HELZ: variants seen among roughly 807,000 people sequenced by gnomAD.
HELZ encodes helicase with zinc finger.
Under a neutral mutation model 218.2 loss-of-function variants are expected in HELZ, and 23 were observed. The observed-to-expected ratio is 0.11, with a 90% CI of 0.08 to 0.15. The LOEUF (loss-of-function observed/expected upper bound fraction) is 0.15. Among genes scored for constraint, HELZ ranks in the 10% least tolerant of loss-of-function variants. HELZ has a pLI of 1.00. For synonymous variants in HELZ, 814 were observed against 829.4 expected (o/e 0.98, Z 0.32); for missense variants, 1,813 against 2,353.7 (o/e 0.77, Z 4.75).
At chr17:67,184,748 C>A (rs1177621751) in intron 12 of HELZ, among the ~76,000 whole-genome samples, 1 of 151,904 alleles carries the variant, frequency 6.6e-6, no homozygotes, top group Non-Finnish European at 1.5e-5. Flanking sequence ...CCTAGGAGTT[C>A]AAGGCTGCAG....
At chr17:67,187,613 T>C (rs1344670922) in intron 12 of HELZ, among the ~76,000 whole-genome samples, 1 of 152,212 alleles carries the variant, frequency 6.6e-6, no homozygotes, top group Non-Finnish European at 1.5e-5. Context: ...ATAAAAAGTT[T>C]TTGTTAAATA....
intron 21 of HELZ, among the ~76,000 whole-genome samples, chr17:67,145,010 C>T (rs1285755508): frequency 6.6e-6 from 1 of 152,004 alleles, no homozygotes; most frequent in Non-Finnish European, 1.5e-5. Flanking sequence ...TGAATTCCTA[C>T]TACATAATAA....
intron 5 of HELZ, among the ~76,000 whole-genome samples, chr17:67,208,423 T>TA (rs941012073): frequency 3.3e-4 from 51 of 152,266 alleles, no homozygotes; most frequent in African/African-American, 1.1e-3. Flanking sequence ...CTTGTTTTGA[T>TA]ATGGTGCCAG....
intron 6 of HELZ, among the ~76,000 whole-genome samples, chr17:67,201,870 G>T (rs948433221): frequency 6.6e-6 from 1 of 151,990 alleles, no homozygotes; most frequent in Admixed American, 6.6e-5. Flanking sequence ...TAGCTTTTAA[G>T]TTCATTTATG....
Position 67,188,668 on chromosome 17 carries a change from T to G in HELZ, c.865-52A>C, listed in dbSNP as rs768807516. ...GAGTACAAGGGGGTGAAAAATCCAA[T>G]TGTAATTGGGCTCTTCAATGAAAAT... On this transcript the variant is annotated intron_variant, in intron 11 of 32. Transcript: ENST00000358691. This position sits in a 1 kb window ranked among gnomAD's most constrained non-coding sequence, Gnocchi z 4.1. 4.6e-5 allele frequency: 65 copies of G among 1,426,350 alleles called. No individual in the cohort carries two copies. Among genetic ancestry groups the G allele is most frequent in the Non-Finnish European group, 6.1e-5 (63 of 1,033,018 alleles). 88.4% of individuals were successfully genotyped at this position (1,426,350 alleles called of 1,614,324 possible).
Position 67,166,495 on chromosome 17 carries a change from T to C in HELZ, c.1878A>G (p.Ile626Met). The change falls in exon 15 of 33, where the codon ATA becomes ATG. Residue 626 changes from isoleucine to methionine, a missense_variant. Ile to Met is a conservative substitution (Grantham distance 10). Transcript: ENST00000358691. ...LFPDISMTPT[I>M]PWSPNRQWDE... The stretch of plus-strand genomic sequence containing the variant: ...TTTTGTACCTGTTAGGACTCCATGG[T>C]ATGGTGGGAGTCATACTGATGTCTG... 1 of 1,612,574 alleles carries C rather than the reference T, an allele frequency of 6.2e-7. No homozygotes were observed. Among genetic ancestry groups the C allele is most frequent in the Non-Finnish European group, 8.5e-7 (1 of 1,178,760 alleles).
chr17:67,123,046 T>C lies in HELZ; in HGVS notation c.3554A>G (p.Asp1185Gly). Residue 1185 changes from aspartate to glycine, a missense_variant, in exon 26 of 33, where the codon GAT (aspartate) becomes GGT (glycine). Asp to Gly is a moderately conservative substitution (Grantham distance 94, BLOSUM62 -1). Coordinates refer to ENST00000358691, the MANE Select transcript of HELZ (RefSeq NM_014877.4). The part of the protein sequence containing the change: ...GKSPSPVQRI[D>G]PHTGTSILYV... ...AAGAATACTTGTCCCAGTGTGAGGA[T>C]CTATTCTTTGAACAGGGCTTGGAGA... 6.2e-7 allele frequency: 1 copy of C among 1,613,572 alleles called. No homozygotes were observed. Among genetic ancestry groups the C allele is most frequent in the South Asian group, 1.1e-5 (1 of 91,060 alleles).
chr17:67,136,755 G>C (rs1390477422), intron 22 of HELZ, among the ~76,000 whole-genome samples: 1 of 152,166 alleles, frequency 6.6e-6, no homozygotes, highest in Non-Finnish European at 1.5e-5. Flanking sequence ...CAAATTCATA[G>C]AGAAAGAATG....
In HELZ at chr17:67,072,920, T is replaced by C. The variant is rs1385214495; in HGVS notation, c.*5332A>G. 1.3e-5 allele frequency: 2 copies of C among 152,222 alleles called. No homozygotes were observed. The highest frequency in any genetic ancestry group is 2.9e-5 in the Non-Finnish European group (2 of 68,042). The allele number at this position is 152,222 out of a possible 1,614,324, so 9.4% of individuals were successfully genotyped here. ...AGCATCAGCATCGCCTGGAAACTTG[T>C]TGGAAATGCAAATCATCAGGCTCCA... On this transcript the variant is annotated 3_prime_UTR_variant, in exon 33 of 33. Coordinates refer to ENST00000358691, the MANE Select transcript of HELZ (RefSeq NM_014877.4).
chr17:67,108,990 T>C lies in HELZ; in HGVS notation c.4489+126A>G, dbSNP rs1275823314. The C allele has an allele frequency of 5.0e-6, 4 of 797,564 alleles. No individual in the cohort carries two copies. The South Asian group carries it at 5.6e-5, about 11-fold the overall frequency. The allele number at this position is 797,564 out of a possible 1,614,324, so 49.4% of individuals were successfully genotyped here. ...TAGAACTAGTTTCTGATTATCACAC[T>C]AAATGGGGGGGTTTTGCTAGCATTA... is the stretch of plus-strand genomic sequence containing the variant. On this transcript the variant is annotated intron_variant, in intron 29 of 32. Transcript: ENST00000358691. This position sits in a 1 kb window ranked among gnomAD's most constrained non-coding sequence, Gnocchi z 4.1.
intron 12 of HELZ, chr17:67,179,696 T>G (rs1388166634): frequency 1.3e-5 from 2 of 152,160 alleles, no homozygotes; most frequent in Non-Finnish European, 2.9e-5. Context: ...TGCGTATTAC[T>G]TTTCTATTGA....
chr17:67,124,437 G>A (rs952356142), intron 24 of HELZ, among the ~76,000 whole-genome samples: 2 of 151,878 alleles, frequency 1.3e-5, no homozygotes, highest in African/African-American at 2.4e-5. Context: ...AACCTTTAAC[G>A]GAATAAAAAG....
At chr17:67,089,668 T>TATATATATATATAGAGAGAGAG (rs71293575) in intron 31 of HELZ, among the ~76,000 whole-genome samples, 11 of 70,636 alleles carry the variant, frequency 1.6e-4, no homozygotes, top group Non-Finnish European at 2.6e-4. Context: ...TATATATATA[T>TATATATATATATAGAGAGAGAG]AGAGAGAGAG....
At chr17:67,203,577 G>C in intron 5 of HELZ, 134 bp from the exon 6 acceptor site, 1 of 996,198 alleles carries the variant, frequency 1.0e-6, no homozygotes, top group South Asian at 1.8e-5. Flanking sequence ...CTAGAGGGAA[G>C]CAGTGGTGTT....
At position 67,070,669 on chromosome 17, in the gene HELZ, TAG is replaced by T. The variant is rs1483973176; in HGVS notation, c.*7581_*7582del. On this transcript the variant is annotated 3_prime_UTR_variant, in exon 33 of 33. Coordinates refer to ENST00000358691, the MANE Select transcript of HELZ (RefSeq NM_014877.4). ...CAAAGAAAGAAGAAAATAAAAACCC[TAG>T]AGAGTGGCTTTGGGGTTATTTTATG... 2 of 152,112 alleles carry T rather than the reference TAG, an allele frequency of 1.3e-5. No individual in the cohort carries two copies. Among genetic ancestry groups the T allele is most frequent in the Non-Finnish European group, 2.9e-5 (2 of 68,016 alleles). 9.4% of individuals were successfully genotyped at this position (152,112 alleles called of 1,614,324 possible).
At chr17:67,237,189 G>A (rs943566066) in intron 3 of HELZ, among the ~76,000 whole-genome samples, 2 of 152,128 alleles carry the variant, frequency 1.3e-5, no homozygotes, top group African/African-American at 2.4e-5. Context: ...GGAGGCTGAG[G>A]CAAGAGAATC....
chr17:67,143,309 G>T (rs1287892122), intron 21 of HELZ, among the ~76,000 whole-genome samples: 1 of 151,924 alleles, frequency 6.6e-6, no homozygotes, highest in East Asian at 1.9e-4. Context: ...ATTTTTCAAG[G>T]TTAAGAACTA....
intron 27 of HELZ, 47 bp from the exon 28 acceptor site, chr17:67,114,450 G>A: frequency 9.2e-7 from 1 of 1,092,128 alleles, no homozygotes. Flanking sequence ...CAGTGGATAT[G>A]ACACTTCCAA....
At chr17:67,110,684 T>C (rs1015221029) in intron 28 of HELZ, among the ~76,000 whole-genome samples, 8 of 152,068 alleles carry the variant, frequency 5.3e-5, no homozygotes, top group Admixed American at 3.3e-4. Flanking sequence ...GCTCACCAGG[T>C]TTTGTAAATA....
Sources: allele counts gnomAD v4.1 joint callset (sites outside exome capture counted in the v4.1 genomes callset), GRCh38; gene constraint gnomAD v4.1.1; non-coding constraint Gnocchi (gnomAD v3.1); transcripts MANE v1.5; gene names NCBI Gene and HGNC (gene_info 2026-07-23, HGNC 2026-07-21).